Variants in PDE4A observed in about 807,000 individuals in gnomAD.
The protein encoded by PDE4A is 3',5'-cyclic-AMP phosphodiesterase 4A.
PDE4A carries 21 observed loss-of-function variants against 73.9 expected under a neutral mutation model. The ratio of observed to expected loss-of-function variants is 0.28; its 90% CI spans 0.20 to 0.41. The LOEUF is 0.41. Among genes scored for constraint, PDE4A ranks in the 10% least tolerant of loss-of-function variants. The pLI is 1.00. For synonymous variants in PDE4A, 463 were observed against 505.4 expected (o/e 0.92, Z 1.13); for missense variants, 958 against 1,211.4 (o/e 0.79, Z 3.10).
intron 1 of PDE4A, among the ~76,000 whole-genome samples, chr19:10,443,544 CAAAAAA>C (rs58920826): frequency 8.3e-6 from 1 of 120,968 alleles, no homozygotes; most frequent in Non-Finnish European, 1.7e-5. Context: ...GACCCTGTCT[CAAAAAA>C]AAAAAAAAAA....
upstream of PDE4A, among the ~76,000 whole-genome samples, chr19:10,418,184 T>C (rs1340342089): frequency 1.3e-5 from 2 of 152,144 alleles, no homozygotes; most frequent in Non-Finnish European, 2.9e-5. Context: ...GCACCGGCTT[T>C]CATGTCCCCG....
At position 10,450,585 on chromosome 19, in the gene PDE4A, A is replaced by G. The variant is rs201509388; in HGVS notation, c.621-18A>G. ...GGACCCAGGCTGACATTGCAGCCCC[A>G]TTTTTTTTTTTCTGCAGGCGGTCCC... On this transcript the variant is annotated intron_variant, in intron 4 of 14. Transcript: ENST00000380702. 2.2e-6 allele frequency: 3 copies of G among 1,375,790 alleles called. No individual in the cohort carries two copies. The Admixed American group carries it at 6.1e-5, about 28-fold the overall frequency. The allele number at this position is 1,375,790 out of a possible 1,614,324, so 85.2% of individuals were successfully genotyped here.
intron 1 of PDE4A, among the ~76,000 whole-genome samples, chr19:10,431,728 G>C (rs546695204): frequency 2.0e-5 from 3 of 152,170 alleles, no homozygotes; most frequent in African/African-American, 7.2e-5. Context: ...GACTGAAGGA[G>C]GGCACGGCGG....
intron 6 of PDE4A, among the ~76,000 whole-genome samples, chr19:10,452,115 G>T (rs1352201417): frequency 6.6e-6 from 1 of 151,598 alleles, no homozygotes; most frequent in Non-Finnish European, 1.5e-5. Flanking sequence ...ATATGTTTGT[G>T]TCCAAGGGCA....
chr19:10,453,247 C>G lies in PDE4A; in HGVS notation c.784-1582C>G, dbSNP rs1446195100. On this transcript the variant is annotated intron_variant, in intron 6 of 14. Transcript: ENST00000380702. This position sits in a 1 kb window ranked among gnomAD's most constrained non-coding sequence, Gnocchi z 4.6. ...AGCCTCTGTGTGCAGCAGCCCCAGG[C>G]GGGCTAAGTCTCCAAGATGCCCTTG... The G allele has an allele frequency of 1.9e-6, 3 of 1,608,010 alleles. No individual in the cohort carries two copies. The highest frequency in any genetic ancestry group is 1.3e-5 in the African/African-American group (1 of 74,830).
rs887944179 is a variant in PDE4A at position 10,451,889 on chromosome 19, G to T, written c.783+948G>T. On this transcript the variant is annotated intron_variant, in intron 6 of 14. Coordinates refer to ENST00000380702, the MANE Select transcript of PDE4A (RefSeq NM_001111307.2). ...TAGGTGGGAGTGTCTTTGTTGGGGG[G>T]TGCTTACAGCAGTGGGTGGAGGCTT... is the stretch of plus-strand genomic sequence containing the variant. 2.6e-5 allele frequency among the ~76,000 whole-genome samples: 4 copies of T among 151,992 alleles called. No individual in the cohort carries two copies. In the East Asian group the frequency reaches 7.7e-4, roughly 29 times the overall value.
In PDE4A at chr19:10,469,076, T is replaced by C. The variant is rs1412568669; in HGVS notation, c.*1455T>C. On this transcript the variant is annotated 3_prime_UTR_variant, in exon 15 of 15. Coordinates refer to ENST00000380702, the MANE Select transcript of PDE4A (RefSeq NM_001111307.2). ...CCCCGCACTCACACTCCCTTGATGC[T>C]GTCTGTACAGGGTTCATATTTTGTA... 6.5e-6 allele frequency: 1 copy of C among 152,830 alleles called. No homozygotes were observed. The highest frequency in any genetic ancestry group is 1.5e-5 in the Non-Finnish European group (1 of 68,126). The allele number at this position is 152,830 out of a possible 1,614,324, so 9.5% of individuals were successfully genotyped here. A position where few individuals can be genotyped will look rare whatever the true frequency, so the allele number is the denominator to read the frequency against.
At chr19:10,442,773 T>C (rs1019178294) in intron 1 of PDE4A, among the ~76,000 whole-genome samples, 1 of 148,952 alleles carries the variant, frequency 6.7e-6, no homozygotes, top group Non-Finnish European at 1.5e-5. Context: ...ACCATATTAC[T>C]ATTATCACAT....
intron 13 of PDE4A, among the ~76,000 whole-genome samples, chr19:10,463,549 T>C (rs1000236723): frequency 5.9e-5 from 9 of 151,830 alleles, no homozygotes; most frequent in Non-Finnish European, 1.5e-5. Context: ...TACAGGCATG[T>C]GCCACCGTGC....
chr19:10,462,102 G>A, intron 13 of PDE4A, 103 bp downstream of exon 13: 1 of 897,774 alleles, frequency 1.1e-6, no homozygotes, highest in Non-Finnish European at 1.7e-6. Flanking sequence ...TCTCCCAAGT[G>A]GCCCATCTTC....
intron 2 of PDE4A, 77 bp downstream of exon 2, chr19:10,446,486 G>A (rs377662527): frequency 6.1e-5 from 93 of 1,521,322 alleles, no homozygotes; most frequent in East Asian, 2.8e-4. Flanking sequence ...GCAGGGAGTC[G>A]GGGGGCACCC....
intron 10 of PDE4A, among the ~76,000 whole-genome samples, chr19:10,460,463 C>T (rs942613259): frequency 8.6e-5 from 13 of 151,444 alleles, no homozygotes; most frequent in African/African-American, 3.2e-4. Context: ...TGCGCCACTG[C>T]ACTCCAGCCT....
chr19:10,417,641 C>A (rs778239154), upstream of PDE4A: 8 of 1,579,792 alleles, frequency 5.1e-6, no homozygotes, highest in Non-Finnish European at 6.8e-6. Flanking sequence ...CGCCCCTATT[C>A]CACTTTGTCC....
At chr19:10,417,542 G>A (rs928445508), upstream of PDE4A, 206 of 1,444,606 alleles carry the variant, frequency 1.4e-4, no homozygotes, top group Non-Finnish European at 1.8e-4. Context: ...ACACGTGAAG[G>A]GGAGCCTATA....
intron 11 of PDE4A, 160 bp from the exon 12 acceptor site, chr19:10,461,366 T>G (rs1321791258): frequency 1.2e-6 from 1 of 840,786 alleles, no homozygotes; most frequent in Non-Finnish European, 1.3e-6. Context: ...CGGGGCTGGC[T>G]GGGCTGGAAA....
At chr19:10,463,541 C>T (rs2043312070) in intron 13 of PDE4A, among the ~76,000 whole-genome samples, 1 of 151,664 alleles carries the variant, frequency 6.6e-6, no homozygotes, top group Non-Finnish European at 1.5e-5. Flanking sequence ...GCTGGGATTA[C>T]AGGCATGTGC....
rs199819767 is a variant in PDE4A, at chr19:10,446,300, G to T, written c.403G>T (p.Ala135Ser). 108 of 1,611,582 alleles carry T rather than the reference G, an allele frequency of 6.7e-5. No homozygotes were observed. Among genetic ancestry groups the T allele is most frequent in the African/African-American group, 1.3e-5 (1 of 74,982 alleles). ...SQASPGLVLHAGAATSQRRES... is the reference protein window; with the variant it reads ...SQASPGLVLHSGAATSQRRES... Reference sequence around the variant, plus strand: ...GGCGAGCCCAGGACTCGTGCTGCACGCCGGGGCGGCCACCAGCCAGCGCCG... The same window carrying T: ...GGCGAGCCCAGGACTCGTGCTGCACTCCGGGGCGGCCACCAGCCAGCGCCG... The change falls in exon 2 of 15, where the codon GCC becomes TCC. Residue 135 changes from alanine (A) to serine (S), a missense_variant. Physicochemically the swap from Ala to Ser is moderately conservative, Grantham distance 99. Transcript: ENST00000380702.
At chr19:10,426,861 C>A (rs1386102095) in intron 1 of PDE4A, among the ~76,000 whole-genome samples, 1 of 150,104 alleles carries the variant, frequency 6.7e-6, no homozygotes, top group Non-Finnish European at 1.5e-5. Context: ...AAGCCAGACT[C>A]CGTCTCAAAA....
chr19:10,420,226 C>T (rs1434742146), upstream of PDE4A: 2 of 207,914 alleles, frequency 9.6e-6, no homozygotes, highest in African/African-American at 4.7e-5. This position sits in a 1 kb window ranked among gnomAD's most constrained non-coding sequence, Gnocchi z 6.0. Context: ...GACTGACACT[C>T]TGGCAACCAG....
Sources: allele counts gnomAD v4.1 joint callset (sites outside exome capture counted in the v4.1 genomes callset), GRCh38; gene constraint gnomAD v4.1.1; non-coding constraint Gnocchi (gnomAD v3.1); transcripts MANE v1.5; gene names NCBI Gene and HGNC (gene_info 2026-07-23, HGNC 2026-07-21).